KLHL7: variants seen among roughly 807,000 people sequenced by gnomAD.
The protein encoded by KLHL7 is kelch-like protein 7.
KLHL7 carries 44 observed loss-of-function variants against 67.4 expected under a neutral mutation model. The observed-to-expected ratio is 0.65, with a 90% CI of 0.51 to 0.84. The LOEUF is 0.84. KLHL7 is among the 40% of genes least tolerant of loss of function. The probability of loss-of-function intolerance (pLI) is 0.00; values close to 1 mark genes in which losing one functional copy is unlikely to be tolerated. For synonymous variants in KLHL7, 252 were observed against 243.3 expected (o/e 1.04, Z -0.33); for missense variants, 362 against 718.1 (o/e 0.50, Z 5.67).
chr7:23,157,421 A>G (rs1353013148), intron 7 of KLHL7, among the ~76,000 whole-genome samples: 1 of 152,190 alleles, frequency 6.6e-6, no homozygotes, highest in Non-Finnish European at 1.5e-5. Context: ...AGTTGTCAGC[A>G]TCATGGGCAG....
Position 23,167,892 on chromosome 7 carries a change from A to T in KLHL7, c.1234A>T (p.Thr412Ser). The T allele has an allele frequency of 1.2e-6, 2 of 1,614,240 alleles. No homozygotes were observed. The highest frequency in any genetic ancestry group is 1.7e-6 in the Non-Finnish European group (2 of 1,180,050). ...TGATACGAGAACTGAAAGCTGGCAC[A>T]CAAAGCCCAGCATGCTGACCCAGCG... ...CYDTRTESWH[T>S]KPSMLTQRCS... The change falls in exon 9 of 11, where the codon ACA becomes TCA. Residue 412 changes from threonine (T) to serine (S), a missense_variant. This residue lies in a region of KLHL7 where 136 missense variants were observed against 252.7 expected (regional missense o/e 0.54). Transcript: ENST00000339077.
intron 10 of KLHL7, among the ~76,000 whole-genome samples, chr7:23,173,315 G>T (rs858260): frequency 0.37 from 55,670 of 151,894 alleles, 10,519 homozygotes; most frequent in African/African-American, 0.44. Context: ...GAATGATGTC[G>T]CACCAGCTTA....
chr7:23,133,238 G>C (rs181310523), intron 4 of KLHL7, among the ~76,000 whole-genome samples: 2 of 152,158 alleles, frequency 1.3e-5, no homozygotes, highest in Non-Finnish European at 2.9e-5. Flanking sequence ...GGGAAGTATG[G>C]ACATTTTAGC....
At chr7:23,173,980 GTT>G (rs906241316) in intron 10 of KLHL7, 33 bp from the exon 11 acceptor site, 8 of 1,602,248 alleles carry the variant, frequency 5.0e-6, no homozygotes, top group Admixed American at 3.3e-5. Flanking sequence ...TGTTGATATA[GTT>G]TTTCATGTTG....
At chr7:23,170,956 G>A (rs1215240066) in intron 9 of KLHL7, among the ~76,000 whole-genome samples, 1 of 142,272 alleles carries the variant, frequency 7.0e-6, no homozygotes, top group Non-Finnish European at 1.5e-5. Context: ...TCACCATGCT[G>A]GAATGCAGTG....
chr7:23,123,187 A>G (rs1318874261), intron 1 of KLHL7, among the ~76,000 whole-genome samples: 1 of 152,220 alleles, frequency 6.6e-6, no homozygotes, highest in East Asian at 1.9e-4. Context: ...TCCAGCTTCT[A>G]TCAGAAGTGC....
At chr7:23,147,729 CA>C (rs1369120491) in intron 6 of KLHL7, among the ~76,000 whole-genome samples, 1 of 152,154 alleles carries the variant, frequency 6.6e-6, no homozygotes, top group Non-Finnish European at 1.5e-5. Flanking sequence ...TAGGGCACAA[CA>C]ATCCAGGACT....
chr7:23,154,371 C>CAAAT (rs1282875169), intron 7 of KLHL7, among the ~76,000 whole-genome samples: 1 of 151,294 alleles, frequency 6.6e-6, no homozygotes, highest in African/African-American at 2.4e-5. Flanking sequence ...AACAAACAAA[C>CAAAT]AAAAAAAGAC....
At chr7:23,157,554 G>A (rs1331558391) in intron 7 of KLHL7, among the ~76,000 whole-genome samples, 5 of 152,080 alleles carry the variant, frequency 3.3e-5, no homozygotes, top group Non-Finnish European at 5.9e-5. Flanking sequence ...ATCACATCCT[G>A]AGGTAAGTTC....
Position 23,105,935 on chromosome 7 carries a change from C to T in KLHL7, c.-92C>T. On this transcript the variant is annotated 5_prime_UTR_variant, in exon 1 of 11. Transcript: ENST00000339077. ...GCGCTGCAGCTGCACTGCCGATCGC[C>T]GTGTTTGGTCGATAGAATCCCCAGT... 1.9e-6 allele frequency: 3 copies of T among 1,539,880 alleles called. No individual in the cohort carries two copies. Among genetic ancestry groups the T allele is most frequent in the South Asian group, 2.4e-5 (2 of 84,262 alleles).
chr7:23,148,666 A>G (rs1001453930), intron 6 of KLHL7, among the ~76,000 whole-genome samples: 1 of 152,218 alleles, frequency 6.6e-6, no homozygotes, highest in Non-Finnish European at 1.5e-5. Flanking sequence ...CTATTTCTTC[A>G]TACATGGTCT....
intron 7 of KLHL7, among the ~76,000 whole-genome samples, chr7:23,156,603 C>G (rs902992429): frequency 6.6e-6 from 1 of 152,198 alleles, no homozygotes; most frequent in African/African-American, 2.4e-5. Flanking sequence ...AAACGGGAGA[C>G]TATGCCCTGG....
intron 10 of KLHL7, among the ~76,000 whole-genome samples, chr7:23,173,433 A>C (rs112988905): frequency 2.0e-5 from 3 of 152,348 alleles, no homozygotes; most frequent in Non-Finnish European, 4.4e-5. Context: ...AGTTTCCTAA[A>C]TATTTTTAAA....
intron 5 of KLHL7, among the ~76,000 whole-genome samples, chr7:23,141,608 T>TC (rs1784183781): frequency 2.0e-5 from 3 of 151,816 alleles, no homozygotes; most frequent in African/African-American, 7.3e-5. Context: ...ACACTTTATT[T>TC]AATTCATTCA....
At chr7:23,141,202 A>G (rs950211356) in intron 5 of KLHL7, among the ~76,000 whole-genome samples, 2 of 152,236 alleles carry the variant, frequency 1.3e-5, no homozygotes, top group African/African-American at 2.4e-5. Flanking sequence ...CCCAATCCCC[A>G]GCATCTGGAA....
chr7:23,129,596 C>T (rs1783719530), intron 4 of KLHL7: 1 of 195,942 alleles, frequency 5.1e-6, no homozygotes, highest in South Asian at 9.0e-5. Flanking sequence ...TGAATTCAAC[C>T]GTCCCCAAAC....
intron 4 of KLHL7, among the ~76,000 whole-genome samples, chr7:23,133,108 A>G (rs1783859215): frequency 6.6e-6 from 1 of 152,096 alleles, no homozygotes; most frequent in Non-Finnish European, 1.5e-5. Flanking sequence ...TGCTTAGGGT[A>G]GCTTTGGCTA....
intron 1 of KLHL7, among the ~76,000 whole-genome samples, chr7:23,114,662 T>A (rs981114607): frequency 1.3e-5 from 2 of 152,236 alleles, no homozygotes; most frequent in Admixed American, 6.5e-5. Flanking sequence ...TACCAATAAC[T>A]GTTCTTTTTT....
intron 10 of KLHL7, 75 bp downstream of exon 10, chr7:23,173,120 T>A (rs1183348620): frequency 9.9e-6 from 10 of 1,010,972 alleles, no homozygotes; most frequent in African/African-American, 3.2e-5. Flanking sequence ...GAAGCATTTT[T>A]AAAAATCTAG....
Sources: allele counts gnomAD v4.1 joint callset (sites outside exome capture counted in the v4.1 genomes callset), GRCh38; gene constraint gnomAD v4.1.1; regional missense constraint gnomAD v4.1.1; transcripts MANE v1.5; gene names NCBI Gene and HGNC (gene_info 2026-07-23, HGNC 2026-07-21).